CMIP: variants seen among roughly 807,000 people sequenced by gnomAD.
The protein encoded by CMIP is c-Maf inducing protein, also known as C-Maf-inducing protein.
A neutral mutation model predicts 97.3 loss-of-function variants in CMIP; 13 were observed. That is an observed-to-expected ratio of 0.13 (90% CI 0.09 to 0.21). The LOEUF is 0.21. Ranked by LOEUF, CMIP falls within the 10% of genes least tolerant of loss-of-function variation. The probability of loss-of-function intolerance (pLI) is 1.00; values close to 1 mark genes in which losing one functional copy is unlikely to be tolerated. For synonymous variants in CMIP, 538 were observed against 436.3 expected (o/e 1.23, Z -2.91); for missense variants, 847 against 1,024.9 (o/e 0.83, Z 2.37).
intron 1 of CMIP, among the ~76,000 whole-genome samples, chr16:81,506,055 A>T (rs2089703390): frequency 1.3e-5 from 2 of 152,234 alleles, no homozygotes; most frequent in Non-Finnish European, 1.5e-5. Flanking sequence ...TGCTTATTAC[A>T]TGCTGTCACA....
At chr16:81,500,575 G>A (rs1198109836) in intron 1 of CMIP, among the ~76,000 whole-genome samples, 1 of 149,538 alleles carries the variant, frequency 6.7e-6, no homozygotes, top group East Asian at 2.0e-4. Flanking sequence ...TGCAACCTCT[G>A]CCTCCCGGGT....
chr16:81,455,978 G>T (rs1024306641), intron 1 of CMIP, among the ~76,000 whole-genome samples: 1 of 152,224 alleles, frequency 6.6e-6, no homozygotes, highest in Non-Finnish European at 1.5e-5. Flanking sequence ...TGCAGTGGGG[G>T]AAGTGCAGTG....
intron 7 of CMIP, among the ~76,000 whole-genome samples, chr16:81,668,180 G>T (rs2151032892): frequency 6.6e-6 from 1 of 152,264 alleles, no homozygotes; most frequent in Middle Eastern, 3.4e-3. Flanking sequence ...ACTGAGATGG[G>T]TACGGAGGGA....
intron 2 of CMIP, chr16:81,611,262 G>C (rs1355550178): frequency 6.6e-6 from 1 of 152,242 alleles, no homozygotes; most frequent in African/African-American, 2.4e-5. Context: ...CTGACCTCGA[G>C]GCCTTTTCAT....
intron 1 of CMIP, among the ~76,000 whole-genome samples, chr16:81,465,684 C>G (rs747030699): frequency 1.3e-5 from 2 of 152,248 alleles, no homozygotes; most frequent in Non-Finnish European, 2.9e-5. Context: ...GAGAGGGCCT[C>G]TCTGGCTCGA....
chr16:81,649,865 C>G (rs2151002636), intron 3 of CMIP, among the ~76,000 whole-genome samples: 1 of 152,316 alleles, frequency 6.6e-6, no homozygotes, highest in Non-Finnish European at 1.5e-5. Context: ...TGGGTACAAA[C>G]TAAAACCACA....
intron 1 of CMIP, chr16:81,519,530 G>A (rs1413263598): frequency 6.6e-6 from 1 of 152,270 alleles, no homozygotes; most frequent in Non-Finnish European, 1.5e-5. Flanking sequence ...AATAGTGTGT[G>A]CATGGTGGAG....
At chr16:81,571,463 A>T (rs1431618238) in intron 1 of CMIP, among the ~76,000 whole-genome samples, 2 of 151,730 alleles carry the variant, frequency 1.3e-5, no homozygotes, top group African/African-American at 4.8e-5. Flanking sequence ...GTGAGACCCT[A>T]TGTCATTTAG....
intron 1 of CMIP, among the ~76,000 whole-genome samples, chr16:81,489,121 C>G (rs1293254911): frequency 1.3e-5 from 2 of 152,156 alleles, no homozygotes; most frequent in Non-Finnish European, 2.9e-5. Flanking sequence ...CCCATGAAGG[C>G]CCAGCTGGTC....
intron 1 of CMIP, among the ~76,000 whole-genome samples, chr16:81,534,395 T>C (rs2090300909): frequency 6.6e-6 from 1 of 152,228 alleles, no homozygotes; most frequent in African/African-American, 2.4e-5. Flanking sequence ...TAAAAAAAGA[T>C]TGTAAGGGTT....
At chr16:81,568,792 A>T (rs2091030860) in intron 1 of CMIP, among the ~76,000 whole-genome samples, 1 of 152,216 alleles carries the variant, frequency 6.6e-6, no homozygotes. Context: ...ACCAGCAACC[A>T]GCCTCGCCAT....
chr16:81,516,423 C>G (rs532015255), intron 1 of CMIP, among the ~76,000 whole-genome samples: 2 of 152,218 alleles, frequency 1.3e-5, no homozygotes. Flanking sequence ...AGCTCTACTT[C>G]GGTTCAGCCC....
At chr16:81,582,204 G>T (rs2091307613) in intron 1 of CMIP, among the ~76,000 whole-genome samples, 4 of 152,260 alleles carry the variant, frequency 2.6e-5, no homozygotes, top group Admixed American at 1.3e-4. Flanking sequence ...CAACATTGGG[G>T]ATTATAATTG....
intron 7 of CMIP, among the ~76,000 whole-genome samples, chr16:81,669,518 C>CACCCACCTCTCACCTCCAG (rs2092657915): frequency 6.9e-6 from 1 of 145,596 alleles, no homozygotes; most frequent in African/African-American, 2.6e-5. Context: ...CACACCTCCA[C>CACCCACCTCTCACCTCCAG]ACCCACCTCT....
chr16:81,654,865 GTATGTAACT>G (rs2092465961), intron 4 of CMIP, among the ~76,000 whole-genome samples: 1 of 149,842 alleles, frequency 6.7e-6, no homozygotes, highest in Non-Finnish European at 1.5e-5. Flanking sequence ...TTTCTGGCAA[GTATGTAACT>G]ATGGAGATGA....
At chr16:81,531,593 A>T (rs1416209096) in intron 1 of CMIP, among the ~76,000 whole-genome samples, 1 of 152,224 alleles carries the variant, frequency 6.6e-6, no homozygotes, top group Admixed American at 6.5e-5. Flanking sequence ...CATCTCTGTG[A>T]CGTGCTCACA....
At chr16:81,497,742 C>T (rs2089518225) in intron 1 of CMIP, among the ~76,000 whole-genome samples, 1 of 152,252 alleles carries the variant, frequency 6.6e-6, no homozygotes, top group African/African-American at 2.4e-5. Context: ...AGTGGCCTGG[C>T]CCTGCTGTGA....
intron 1 of CMIP, among the ~76,000 whole-genome samples, chr16:81,555,214 T>A (rs2090738029): frequency 6.6e-6 from 1 of 152,192 alleles, no homozygotes; most frequent in Admixed American, 6.5e-5. Context: ...ATTGTTATAA[T>A]AAGCAGCAGG....
At chr16:81,696,490 T>C (rs1906731900) in intron 13 of CMIP, 70 bp from the exon 14 acceptor site, 7 of 1,441,466 alleles carry the variant, frequency 4.9e-6, no homozygotes, top group South Asian at 4.8e-5. Context: ...CATTCATGTG[T>C]GCAGATCATG....
Sources: gnomAD v4.1 joint callset for allele counts (sites outside exome capture counted in the v4.1 genomes callset) on GRCh38, gnomAD v4.1.1 for gene constraint, MANE v1.5 for transcripts, NCBI Gene and HGNC (gene_info 2026-07-23, HGNC 2026-07-21) for gene names.